The following CRACD variants were observed in gnomAD, a reference collection of about 807,000 sequenced individuals.
The protein encoded by CRACD is capping protein inhibiting regulator of actin dynamics, also known as capping protein-inhibiting regulator of actin dynamics.
In CRACD, 56 loss-of-function variants were observed where a neutral mutation model predicts 106.8. The ratio of observed to expected loss-of-function variants is 0.52; its 90% CI spans 0.42 to 0.66. The LOEUF (loss-of-function observed/expected upper bound fraction) is 0.66, where lower values mean the gene tolerates loss of function less well. CRACD is among the 30% of genes least tolerant of loss of function. The pLI, the probability that CRACD is intolerant of heterozygous loss-of-function variation, is 0.00. For missense variants in CRACD, 1,730 were observed against 1,623.2 expected (o/e 1.07, Z -1.13); for synonymous variants, 754 against 670.8 (o/e 1.12, Z -1.92).
intron 2 of CRACD, among the ~76,000 whole-genome samples, chr4:56,244,258 A>G (rs1180996095): frequency 1.3e-5 from 2 of 152,068 alleles, no homozygotes; most frequent in African/African-American, 4.8e-5. Flanking sequence ...CAATGATGTT[A>G]TGGGCCTGAT....
intron 1 of CRACD, among the ~76,000 whole-genome samples, chr4:56,102,809 A>AT (rs1283686896): frequency 5.3e-5 from 8 of 152,150 alleles, no homozygotes; most frequent in Non-Finnish European, 1.2e-4. Flanking sequence ...TTGGGACTTC[A>AT]TAATTGCAGA....
In CRACD at chr4:56,314,475, G is replaced by A. The variant is rs1018969316; in HGVS notation, c.973G>A (p.Ala325Thr). ...EAEEERRRLQ[A>T]QAQAEERRRL... Reference sequence around the variant, plus strand: ...GGAGGAGGAGCGAAGGCGTCTGCAGGCCCAGGCCCAAGCGGAGGAGAGGCG... The same window carrying A: ...GGAGGAGGAGCGAAGGCGTCTGCAGACCCAGGCCCAAGCGGAGGAGAGGCG... The change falls in exon 8 of 11, where the codon GCC (alanine) becomes ACC (threonine). Residue 325 changes from alanine to threonine, a missense_variant. Ala to Thr is a moderately conservative substitution (Grantham distance 58, BLOSUM62 0). This residue lies in a region of CRACD where 1,620 missense variants were observed against 1,481.6 expected (regional missense o/e 1.09). Coordinates refer to ENST00000682029, the MANE Select transcript of CRACD (RefSeq NM_001393381.1). The surrounding 1 kb of genome is among the most constrained non-coding windows in gnomAD (Gnocchi z 4.4). 2.0e-5 allele frequency: 31 copies of A among 1,532,246 alleles called. No individual in the cohort carries two copies. The highest frequency in any genetic ancestry group is 2.8e-5 in the African/African-American group (2 of 72,244). 94.9% of individuals were successfully genotyped at this position (1,532,246 alleles called of 1,614,324 possible). A position where few individuals can be genotyped will look rare whatever the true frequency, so the allele number is the denominator to read the frequency against.
intron 2 of CRACD, among the ~76,000 whole-genome samples, chr4:56,189,766 T>G (rs1040333911): frequency 6.6e-6 from 1 of 150,718 alleles, no homozygotes; most frequent in African/African-American, 2.4e-5. Flanking sequence ...CCATGGTGAA[T>G]ATGTGCCACA....
chr4:56,060,333 G>C (rs1459899972), intron 1 of CRACD, among the ~76,000 whole-genome samples: 1 of 132,510 alleles, frequency 7.5e-6, no homozygotes, highest in Non-Finnish European at 1.6e-5. Context: ...TGAATTTAAA[G>C]TGGACTGCAA....
chr4:56,102,610 A>AGT (rs1733816788), intron 1 of CRACD, among the ~76,000 whole-genome samples: 1 of 152,210 alleles, frequency 6.6e-6, no homozygotes, highest in Non-Finnish European at 1.5e-5. Flanking sequence ...TTAACTAGAG[A>AGT]GTGTGTGCCA....
intron 1 of CRACD, among the ~76,000 whole-genome samples, chr4:56,177,322 C>T (rs1560472989): frequency 6.6e-6 from 1 of 152,120 alleles, no homozygotes; most frequent in Admixed American, 6.6e-5. Flanking sequence ...CTATTGAAAT[C>T]ATCATATAGT....
chr4:56,214,955 G>A lies in CRACD; in HGVS notation c.-189+35525G>A, dbSNP rs749871458. Reference sequence around the variant, plus strand: ...GTGGAGGTTGGAGTGAGCCGAGATCGCACCATTGCACTCCAGCCTGGGCAA... The same window carrying A: ...GTGGAGGTTGGAGTGAGCCGAGATCACACCATTGCACTCCAGCCTGGGCAA... On this transcript the variant is annotated intron_variant, in intron 2 of 10. Coordinates refer to ENST00000682029, the MANE Select transcript of CRACD (RefSeq NM_001393381.1). Among the ~76,000 whole-genome samples, 6 of 151,920 alleles carry A rather than the reference G, an allele frequency of 3.9e-5. No homozygotes were observed. In the East Asian group the frequency reaches 5.8e-4, roughly 15 times the overall value.
intron 1 of CRACD, among the ~76,000 whole-genome samples, chr4:56,154,274 CT>C (rs946830804): frequency 1.4e-5 from 2 of 141,432 alleles, no homozygotes. Context: ...TGAGACCAGG[CT>C]GGGTAACATG....
At chr4:56,176,667 C>T (rs1474457117) in intron 1 of CRACD, among the ~76,000 whole-genome samples, 1 of 152,046 alleles carries the variant, frequency 6.6e-6, no homozygotes, top group Non-Finnish European at 1.5e-5. Flanking sequence ...GATCTCCTGA[C>T]CTTGTGATCC....
chr4:56,203,823 C>G (rs552157826), intron 2 of CRACD, among the ~76,000 whole-genome samples: 1 of 152,318 alleles, frequency 6.6e-6, no homozygotes, highest in South Asian at 2.1e-4. Context: ...TAACCTATCA[C>G]CAAGAACAGG....
intron 2 of CRACD, among the ~76,000 whole-genome samples, chr4:56,232,534 A>T (rs1040580880): frequency 6.6e-6 from 1 of 152,104 alleles, no homozygotes; most frequent in African/African-American, 2.4e-5. Flanking sequence ...AGGTAGATGT[A>T]TGCTTAACTT....
chr4:56,151,009 T>TA (rs1308125381), intron 1 of CRACD, among the ~76,000 whole-genome samples: 1 of 152,126 alleles, frequency 6.6e-6, no homozygotes, highest in Non-Finnish European at 1.5e-5. Flanking sequence ...TGTATATATA[T>TA]TTTTAGAGAC....
At chr4:56,138,846 A>G (rs1234465678) in intron 1 of CRACD, among the ~76,000 whole-genome samples, 3 of 152,222 alleles carry the variant, frequency 2.0e-5, no homozygotes, top group African/African-American at 7.2e-5. Context: ...TTAATCCACA[A>G]AGAAAACACA....
At chr4:56,198,607 C>T (rs1051011987) in intron 2 of CRACD, among the ~76,000 whole-genome samples, 1 of 152,132 alleles carries the variant, frequency 6.6e-6, no homozygotes, top group Admixed American at 6.5e-5. Flanking sequence ...TTATTATCTA[C>T]TGTGTGCCAG....
chr4:56,083,423 G>A (rs535929460), intron 1 of CRACD, among the ~76,000 whole-genome samples: 4 of 152,210 alleles, frequency 2.6e-5, no homozygotes, highest in East Asian at 3.9e-4. Context: ...GAAATTAACC[G>A]TCAATTAACT....
Position 56,103,689 on chromosome 4 carries a change from C to T in CRACD, c.-336+54390C>T, listed in dbSNP as rs529441371. 2.0e-5 allele frequency among the ~76,000 whole-genome samples: 3 copies of T among 152,338 alleles called. No individual in the cohort carries two copies. The South Asian group carries it at 6.2e-4, about 32-fold the overall frequency. On this transcript the variant is annotated intron_variant, in intron 1 of 10. Transcript: ENST00000682029. The stretch of plus-strand genomic sequence containing the variant: ...TTCTCTGTGTCTTTTGTAATTCCAG[C>T]ATTACCTAGAATGAGAGAAAAGAGG...
At chr4:56,130,700 G>A (rs1470949996) in intron 1 of CRACD, among the ~76,000 whole-genome samples, 1 of 152,156 alleles carries the variant, frequency 6.6e-6, no homozygotes, top group Non-Finnish European at 1.5e-5. Flanking sequence ...ACAATGCTTA[G>A]TAATGTCATA....
At chr4:56,080,946 C>A (rs961450419) in intron 1 of CRACD, among the ~76,000 whole-genome samples, 8 of 152,202 alleles carry the variant, frequency 5.3e-5, no homozygotes, top group African/African-American at 1.9e-4. Flanking sequence ...TCAGATCTAT[C>A]CACTTACTTT....
intron 8 of CRACD, among the ~76,000 whole-genome samples, chr4:56,318,480 G>A (rs1215382059): frequency 1.3e-5 from 2 of 152,148 alleles, no homozygotes; most frequent in East Asian, 3.8e-4. Flanking sequence ...CTCTCTCACA[G>A]CCTCGTCTGC....
Sources: allele counts gnomAD v4.1 joint callset (sites outside exome capture counted in the v4.1 genomes callset), GRCh38; gene constraint gnomAD v4.1.1; regional missense constraint gnomAD v4.1.1; non-coding constraint Gnocchi (gnomAD v3.1); transcripts MANE v1.5; gene names NCBI Gene and HGNC (gene_info 2026-07-23, HGNC 2026-07-21).